CCDC186: variants seen among roughly 807,000 people sequenced by gnomAD.
CCDC186 encodes coiled-coil domain containing 186.
CCDC186 carries 49 observed loss-of-function variants against 113.7 expected under a neutral mutation model. The ratio of observed to expected loss-of-function variants is 0.43; its 90% CI spans 0.34 to 0.55. The LOEUF is 0.55. CCDC186 is among the 20% of genes least tolerant of loss of function. The pLI, the probability that CCDC186 is intolerant of heterozygous loss-of-function variation, is 0.02. For missense variants in CCDC186, 890 were observed against 1,011.1 expected (o/e 0.88, Z 1.62); for synonymous variants, 355 against 345.8 (o/e 1.03, Z -0.30).
intron 4 of CCDC186, 151 bp downstream of exon 4, chr10:114,150,941 A>T (rs1284589676): frequency 1.2e-6 from 1 of 822,962 alleles, no homozygotes; most frequent in Non-Finnish European, 1.7e-6. Context: ...GTGAGTCACC[A>T]CGTCTGGCCT....
chr10:114,129,228 G>A (rs1486413260), intron 13 of CCDC186, among the ~76,000 whole-genome samples: 1 of 152,072 alleles, frequency 6.6e-6, no homozygotes, highest in Non-Finnish European at 1.5e-5. Context: ...TTGAGAGGCT[G>A]AGGTGGGAAG....
rs111479787 is a variant in CCDC186, at chr10:114,173,193, T to C, written c.-62+822A>G. ...TATTCTCTCTTCTGATTTCCACAGG[T>C]AACAAGATTATCAAGTGAAAGAAGT... On this transcript the variant is annotated intron_variant, in intron 1 of 15. Coordinates refer to ENST00000369287, the MANE Select transcript of CCDC186 (RefSeq NM_018017.4). 6.7e-4 allele frequency: 304 copies of C among 456,002 alleles called. 2 individuals carry two copies. Among genetic ancestry groups the C allele is most frequent in the African/African-American group, 5.1e-3 (255 of 50,188 alleles). The allele number at this position is 456,002 out of a possible 1,614,324, so 28.2% of individuals were successfully genotyped here. A position where few individuals can be genotyped will look rare whatever the true frequency, so the allele number is the denominator to read the frequency against.
intron 9 of CCDC186, 116 bp downstream of exon 9, chr10:114,135,775 T>G: frequency 1.2e-6 from 1 of 825,374 alleles, no homozygotes; most frequent in Non-Finnish European, 1.9e-6. Context: ...CTGAGTTCCT[T>G]TATTATGGAA....
chr10:114,149,973 A>G (rs374805224), intron 4 of CCDC186, among the ~76,000 whole-genome samples: 1 of 152,148 alleles, frequency 6.6e-6, no homozygotes, highest in Non-Finnish European at 1.5e-5. Context: ...TTTCCCTTCA[A>G]TTGGTACAAA....
At chr10:114,145,350 A>G (rs559847917) in intron 5 of CCDC186, among the ~76,000 whole-genome samples, 199 bp downstream of exon 5, 126 of 152,204 alleles carry the variant, frequency 8.3e-4, no homozygotes, top group African/African-American at 2.9e-3. Flanking sequence ...TTTTTTCCCT[A>G]GCAAACCTTT....
intron 4 of CCDC186, among the ~76,000 whole-genome samples, chr10:114,147,230 A>C (rs1589619354): frequency 6.6e-6 from 1 of 152,332 alleles, no homozygotes. Context: ...ATTGGAAACA[A>C]AGTAGCAGTT....
intron 1 of CCDC186, among the ~76,000 whole-genome samples, chr10:114,170,742 G>A (rs968089738): frequency 4.6e-5 from 7 of 151,944 alleles, no homozygotes; most frequent in African/African-American, 1.7e-4. Flanking sequence ...TCCCTGTGGG[G>A]GTATGTTTAG....
At chr10:114,127,324 T>C in intron 14 of CCDC186, 137 bp downstream of exon 14, 1 of 791,132 alleles carries the variant, frequency 1.3e-6, no homozygotes. Flanking sequence ...TAGGTGACCA[T>C]AAAAGACTGG....
At chr10:114,142,776 T>C (rs977095271) in intron 6 of CCDC186, among the ~76,000 whole-genome samples, 2 of 152,306 alleles carry the variant, frequency 1.3e-5, no homozygotes, top group East Asian at 3.9e-4. Context: ...ACCTAAGACT[T>C]GGTGGGCAGG....
At chr10:114,144,416 C>T (rs986041558) in intron 6 of CCDC186, 81 bp downstream of exon 6, 19 of 1,477,638 alleles carry the variant, frequency 1.3e-5, no homozygotes, top group East Asian at 9.2e-5. Context: ...AGCGAGACTC[C>T]GTCTCAAAAA....
At position 114,124,838 on chromosome 10, in the gene CCDC186, G is replaced by C. The variant is rs2030838000; in HGVS notation, c.*305C>G. 4.0e-6 allele frequency: 1 copy of C among 248,848 alleles called. No homozygotes were observed. The highest frequency in any genetic ancestry group is 5.5e-5 in the Admixed American group (1 of 18,254). The allele number at this position is 248,848 out of a possible 1,614,324, so 15.4% of individuals were successfully genotyped here. ...TTAAAGGGAAGAAATATGAACAAAG[G>C]GTTTTTTATAAAAGCCCTTGTAATG... is the stretch of plus-strand genomic sequence containing the variant. On this transcript the variant is annotated 3_prime_UTR_variant, in exon 16 of 16. Transcript: ENST00000369287.
chr10:114,129,780 T>G, intron 13 of CCDC186, 111 bp downstream of exon 13: 1 of 859,578 alleles, frequency 1.2e-6, no homozygotes, highest in South Asian at 1.6e-5. Context: ...TCCACTCATC[T>G]CGTCCTCCCA....
At chr10:114,159,101 A>G (rs2032090539) in intron 2 of CCDC186, among the ~76,000 whole-genome samples, 1 of 152,228 alleles carries the variant, frequency 6.6e-6, no homozygotes, top group South Asian at 2.1e-4. Flanking sequence ...AGAAGGTGAC[A>G]GCTGAGCCTA....
At position 114,125,955 on chromosome 10, in the gene CCDC186, G is replaced by C. The variant is rs202054208; in HGVS notation, c.2544C>G (p.Leu848=). ...HPADNGLTLE[L]SLEINRKLQA... ...GTAATTTTCGGTTGATTTCCAAAGAGAGCTCCAATGTTAATCCATTGTCAG... is the reference window on the plus strand; with the variant it reads ...GTAATTTTCGGTTGATTTCCAAAGACAGCTCCAATGTTAATCCATTGTCAG... Residue 848 remains leucine, a synonymous_variant, in exon 15 of 16, where the codon CTC becomes CTG. Transcript: ENST00000369287. The C allele has an allele frequency of 1.7e-5, 27 of 1,613,892 alleles. No individual in the cohort carries two copies. Among genetic ancestry groups the C allele is most frequent in the Non-Finnish European group, 2.1e-5 (25 of 1,179,956 alleles).
chr10:114,144,421 C>CAAA, intron 6 of CCDC186, 76 bp downstream of exon 6: 2 of 1,315,250 alleles, frequency 1.5e-6, no homozygotes, highest in East Asian at 2.7e-5. Flanking sequence ...GACTCCGTCT[C>CAAA]AAAAAAAAAA....
intron 1 of CCDC186, among the ~76,000 whole-genome samples, chr10:114,168,973 T>C (rs1388535948): frequency 6.8e-6 from 1 of 148,102 alleles, no homozygotes; most frequent in African/African-American, 2.5e-5. Context: ...ATTGAGCATC[T>C]ATTAATATGT....
chr10:114,139,163 T>C (rs561719595), intron 6 of CCDC186, among the ~76,000 whole-genome samples: 18 of 152,188 alleles, frequency 1.2e-4, no homozygotes, highest in African/African-American at 4.1e-4. Context: ...TCTAGTTAGG[T>C]TGGGTTCCCC....
At chr10:114,159,727 G>C (rs1408931799) in intron 2 of CCDC186, among the ~76,000 whole-genome samples, 1 of 151,992 alleles carries the variant, frequency 6.6e-6, no homozygotes, top group East Asian at 1.9e-4. Context: ...GGCCAGTGTG[G>C]GTGGATAGCC....
At chr10:114,164,065 A>AGTGTGTGT (rs747232906) in intron 1 of CCDC186, among the ~76,000 whole-genome samples, 3,540 of 106,920 alleles carry the variant, frequency 0.033, 103 homozygotes, top group South Asian at 0.089. Flanking sequence ...ACCAAGTTAG[A>AGTGTGTGT]GTGTGTGTGT....
Sources: allele counts gnomAD v4.1 joint callset (sites outside exome capture counted in the v4.1 genomes callset), GRCh38; gene constraint gnomAD v4.1.1; transcripts MANE v1.5; gene names NCBI Gene and HGNC (gene_info 2026-07-23, HGNC 2026-07-21).